PCDHA13: variants seen among roughly 807,000 people sequenced by gnomAD.
The protein encoded by PCDHA13 is protocadherin alpha-13.
Under a neutral mutation model 64.8 loss-of-function variants are expected in PCDHA13, and 54 were observed. That is an observed-to-expected ratio of 0.83 (90% CI 0.67 to 1.04). The LOEUF (loss-of-function observed/expected upper bound fraction) is 1.04. Among genes scored for constraint, PCDHA13 ranks in the 50% least tolerant of loss-of-function variants. The pLI is 0.00. For missense variants in PCDHA13, 1,248 were observed against 1,254.3 expected (o/e 0.99, Z 0.08); for synonymous variants, 587 against 564.4 (o/e 1.04, Z -0.57).
intron 1 of PCDHA13, among the ~76,000 whole-genome samples, chr5:140,925,071 C>T (rs1554202476): frequency 6.8e-6 from 1 of 148,058 alleles, no homozygotes; most frequent in Non-Finnish European, 1.5e-5. Context: ...CAAAGCAACA[C>T]GCTCATCTGG....
intron 1 of PCDHA13, among the ~76,000 whole-genome samples, chr5:140,896,597 G>A (rs577303751): frequency 1.3e-5 from 2 of 151,484 alleles, no homozygotes; most frequent in African/African-American, 4.8e-5. Flanking sequence ...GGCTGGTCTC[G>A]AACTCCTGGT....
At chr5:140,992,862 G>A (rs2097531583) in intron 3 of PCDHA13, among the ~76,000 whole-genome samples, 2 of 152,084 alleles carry the variant, frequency 1.3e-5, no homozygotes, top group Non-Finnish European at 2.9e-5. Context: ...TTTCACTCTA[G>A]CTCCCTCCTT....
chr5:140,951,149 T>C (rs911841540), intron 1 of PCDHA13, among the ~76,000 whole-genome samples: 8 of 100,620 alleles, frequency 8.0e-5, no homozygotes, highest in African/African-American at 3.8e-4. Context: ...TCTTATTGAA[T>C]ATAGTTATAG....
intron 1 of PCDHA13, among the ~76,000 whole-genome samples, chr5:140,964,638 A>T (rs1402541821): frequency 3.9e-5 from 6 of 152,098 alleles, no homozygotes; most frequent in Admixed American, 2.0e-4. Context: ...ATTTATTTTC[A>T]GAAACAAGTA....
At chr5:140,922,888 C>A (rs1584282377) in intron 1 of PCDHA13, among the ~76,000 whole-genome samples, 1 of 152,236 alleles carries the variant, frequency 6.6e-6, no homozygotes, top group South Asian at 2.1e-4. Flanking sequence ...AGACATCATT[C>A]AAGAAAAAAT....
At chr5:140,970,156 T>C (rs933887683) in intron 1 of PCDHA13, among the ~76,000 whole-genome samples, 6 of 152,188 alleles carry the variant, frequency 3.9e-5, no homozygotes, top group African/African-American at 1.4e-4. Context: ...CTCCCAATAG[T>C]CACCTTTCTT....
chr5:140,891,009 A>AT (rs35053611), intron 1 of PCDHA13, among the ~76,000 whole-genome samples: 3 of 152,052 alleles, frequency 2.0e-5, no homozygotes, highest in East Asian at 3.9e-4. Context: ...ATTGAAAAGC[A>AT]TTTTTTCTGA....
At chr5:141,001,702 G>C (rs2098033163) in intron 3 of PCDHA13, among the ~76,000 whole-genome samples, 1 of 152,194 alleles carries the variant, frequency 6.6e-6, no homozygotes, top group Non-Finnish European at 1.5e-5. Flanking sequence ...GGCGAAATAG[G>C]GGGCGGGGAA....
chr5:140,898,349 C>A (rs1310511547), intron 1 of PCDHA13, among the ~76,000 whole-genome samples: 1 of 152,168 alleles, frequency 6.6e-6, no homozygotes, highest in African/African-American at 2.4e-5. Flanking sequence ...TTTAATCCAT[C>A]TTGAATTAAT....
chr5:140,978,440 T>C, intron 1 of PCDHA13, among the ~76,000 whole-genome samples: 1 of 152,244 alleles, frequency 6.6e-6, no homozygotes. Context: ...GCTGGTGTTA[T>C]GACTGGGCAC....
At chr5:141,004,449 A>G (rs2098166973) in intron 3 of PCDHA13, among the ~76,000 whole-genome samples, 1 of 152,180 alleles carries the variant, frequency 6.6e-6, no homozygotes. Flanking sequence ...GTCATATAGA[A>G]CCAGGAAGCT....
chr5:140,968,328 A>AT (rs1554230627), intron 1 of PCDHA13: 1 of 1,614,076 alleles, frequency 6.2e-7, no homozygotes, highest in South Asian at 1.1e-5. Flanking sequence ...GTCACCTCCT[A>AT]TGTCTCCATT....
At chr5:140,998,211 T>C (rs2097801578) in intron 3 of PCDHA13, among the ~76,000 whole-genome samples, 1 of 152,226 alleles carries the variant, frequency 6.6e-6, no homozygotes. Context: ...TTAATCTGTA[T>C]AACCACACCC....
intron 2 of PCDHA13, 83 bp from the exon 3 acceptor site, chr5:140,982,392 T>C: frequency 6.3e-7 from 1 of 1,598,158 alleles, no homozygotes. Context: ...GGCTTCATAG[T>C]TGTAAGCAAT....
intron 1 of PCDHA13, among the ~76,000 whole-genome samples, chr5:140,960,656 G>T (rs553083977): frequency 1.3e-5 from 2 of 152,218 alleles, no homozygotes; most frequent in Admixed American, 1.3e-4. Context: ...CCAAATCAAT[G>T]AATGCTTTGG....
In PCDHA13 at chr5:141,000,418, TATA is replaced by T. The variant is rs1442097844; in HGVS notation, c.2543-9208_2543-9206del. 6.0e-3 allele frequency among the ~76,000 whole-genome samples: 500 copies of T among 83,616 alleles called. 3 individuals are homozygous for T. The highest frequency in any genetic ancestry group is 7.2e-3 in the African/African-American group (142 of 19,618). 54.9% of individuals were successfully genotyped at this position (83,616 alleles called of 152,430 possible). A position where few individuals can be genotyped will look rare whatever the true frequency, so the allele number is the denominator to read the frequency against. ...CTCTATATATATATATATATATATA[TATA>T]TTTTTTTTTTTTTTTTTTTTTTTGA... On this transcript the variant is annotated intron_variant, in intron 3 of 3. Coordinates refer to ENST00000289272, the MANE Select transcript of PCDHA13 (RefSeq NM_018904.3).
chr5:141,000,359 CTG>C (rs1554257257), intron 3 of PCDHA13, among the ~76,000 whole-genome samples: 2 of 78,146 alleles, frequency 2.6e-5, no homozygotes, highest in South Asian at 4.6e-4. Context: ...CTGTCTCTCT[CTG>C]TCTCTCTCTC....
chr5:140,983,270 GGGT>G (rs1349296894), intron 3 of PCDHA13, among the ~76,000 whole-genome samples: 4 of 152,152 alleles, frequency 2.6e-5, no homozygotes, highest in Non-Finnish European at 2.9e-5. Flanking sequence ...CCTAATGGCT[GGGT>G]GAGTATAGGA....
chr5:140,968,832 C>A (rs1554231147), intron 1 of PCDHA13: 1 of 1,614,200 alleles, frequency 6.2e-7, no homozygotes, highest in East Asian at 2.2e-5. Flanking sequence ...AAAATCCTCC[C>A]TGACACTCAG....
Sources: gnomAD v4.1 joint callset for allele counts (sites outside exome capture counted in the v4.1 genomes callset) on GRCh38, gnomAD v4.1.1 for gene constraint, MANE v1.5 for transcripts, NCBI Gene and HGNC (gene_info 2026-07-23, HGNC 2026-07-21) for gene names.